The following EPHA5 variants were observed in gnomAD, a reference collection of about 807,000 sequenced individuals.
EPHA5 encodes the protein EPH receptor A5, also known as ephrin type-A receptor 5.
Under a neutral mutation model 105.0 loss-of-function variants are expected in EPHA5, and 60 were observed. That is an observed-to-expected ratio of 0.57 (90% CI 0.46 to 0.71). The LOEUF is 0.71. EPHA5 is among the 30% of genes least tolerant of loss of function. The probability of loss-of-function intolerance (pLI) is 0.00; values close to 1 mark genes in which losing one functional copy is unlikely to be tolerated. For missense variants in EPHA5, 1,218 were observed against 1,274.7 expected (o/e 0.96, Z 0.68); for synonymous variants, 513 against 449.1 (o/e 1.14, Z -1.80).
chr4:65,401,934 A>G (rs530059815), intron 8 of EPHA5, among the ~76,000 whole-genome samples: 7 of 149,546 alleles, frequency 4.7e-5, no homozygotes, highest in Middle Eastern at 3.4e-3. Context: ...AGAGAGAGAA[A>G]GAGAGAGAGA....
intron 3 of EPHA5, chr4:65,573,899 C>T (rs3200362): frequency 5.0e-6 from 8 of 1,610,778 alleles, no homozygotes; most frequent in Non-Finnish European, 6.8e-6. Flanking sequence ...GCATTACCCC[C>T]GGGACCATTC....
chr4:65,542,717 T>G (rs1736963239), intron 3 of EPHA5, among the ~76,000 whole-genome samples: 1 of 151,900 alleles, frequency 6.6e-6, no homozygotes, highest in Non-Finnish European at 1.5e-5. Context: ...CCTAACTCAT[T>G]TTATGGGGCC....
chr4:65,423,669 G>GTTTT (rs71657409), intron 5 of EPHA5, among the ~76,000 whole-genome samples: 55 of 142,120 alleles, frequency 3.9e-4, no homozygotes, highest in African/African-American at 1.3e-3. Flanking sequence ...GGGTTTGTCT[G>GTTTT]TTTTTTTTTT....
chr4:65,398,487 C>G (rs559883419), intron 8 of EPHA5, among the ~76,000 whole-genome samples: 14 of 152,250 alleles, frequency 9.2e-5, no homozygotes, highest in Admixed American at 3.9e-4. Flanking sequence ...AGTGGCTCCC[C>G]AGTGAAGCCT....
At chr4:65,457,811 C>A (rs985724381) in intron 5 of EPHA5, among the ~76,000 whole-genome samples, 1 of 151,808 alleles carries the variant, frequency 6.6e-6, no homozygotes, top group Non-Finnish European at 1.5e-5. Context: ...TTTTGCAATG[C>A]CAATATAACA....
At chr4:65,344,106 G>C (rs944692539) in intron 14 of EPHA5, among the ~76,000 whole-genome samples, 1 of 152,146 alleles carries the variant, frequency 6.6e-6, no homozygotes, top group Non-Finnish European at 1.5e-5. Flanking sequence ...ACTTATCTAT[G>C]CAACTTTGTA....
chr4:65,520,402 T>C (rs1734571750), intron 3 of EPHA5, among the ~76,000 whole-genome samples: 1 of 152,128 alleles, frequency 6.6e-6, no homozygotes, highest in Non-Finnish European at 1.5e-5. Context: ...GACTTAAATA[T>C]TAGACTAAAA....
At chr4:65,393,079 T>C (rs139589018) in intron 8 of EPHA5, among the ~76,000 whole-genome samples, 158 of 152,312 alleles carry the variant, frequency 1.0e-3, no homozygotes, top group African/African-American at 3.6e-3. Flanking sequence ...CCTCTATTCA[T>C]GACAGAAAGT....
chr4:65,392,792 A>T (rs1188463909), intron 8 of EPHA5, among the ~76,000 whole-genome samples: 1 of 152,284 alleles, frequency 6.6e-6, no homozygotes, highest in East Asian at 1.9e-4. Context: ...CATTAATGGG[A>T]AAAATGGACA....
chr4:65,646,044 G>C (rs765752162), intron 1 of EPHA5, among the ~76,000 whole-genome samples: 9 of 152,132 alleles, frequency 5.9e-5, no homozygotes, highest in Non-Finnish European at 1.2e-4. Context: ...TTGATTCTCA[G>C]AGAAAATAAC....
At chr4:65,554,074 G>T (rs1176109795) in intron 3 of EPHA5, among the ~76,000 whole-genome samples, 7 of 151,070 alleles carry the variant, frequency 4.6e-5, no homozygotes, top group Admixed American at 4.6e-4. Context: ...ACAAATTTCA[G>T]TGTTCATTTC....
At chr4:65,648,542 T>C (rs1748327524) in intron 1 of EPHA5, among the ~76,000 whole-genome samples, 3 of 152,224 alleles carry the variant, frequency 2.0e-5, no homozygotes, top group African/African-American at 7.2e-5. Context: ...TTTCTGTTTT[T>C]GCCATTATCT....
At chr4:65,394,783 T>C (rs913412053) in intron 8 of EPHA5, among the ~76,000 whole-genome samples, 6 of 152,180 alleles carry the variant, frequency 3.9e-5, no homozygotes, top group African/African-American at 1.4e-4. Context: ...GAGATATTAC[T>C]TGTAAAACCT....
intron 2 of EPHA5, among the ~76,000 whole-genome samples, chr4:65,610,875 C>A (rs994571691): frequency 2.0e-5 from 3 of 152,110 alleles, no homozygotes; most frequent in Admixed American, 6.6e-5. Context: ...TATATGGAGA[C>A]ACCTTCATAC....
intron 5 of EPHA5, among the ~76,000 whole-genome samples, chr4:65,436,342 C>T (rs1030907467): frequency 1.2e-4 from 18 of 150,668 alleles, no homozygotes; most frequent in Non-Finnish European, 7.4e-5. Flanking sequence ...TAAAATAGTG[C>T]TATAAACAGA....
At chr4:65,537,886 A>T (rs1372789979) in intron 3 of EPHA5, among the ~76,000 whole-genome samples, 1 of 151,772 alleles carries the variant, frequency 6.6e-6, no homozygotes, top group African/African-American at 2.4e-5. Flanking sequence ...ATCATCACAA[A>T]AATTATTTTG....
chr4:65,367,385 C>G lies in EPHA5; in HGVS notation c.1833G>C (p.Glu611Asp). ...GCCCATTATGAAAATGCATCTTTTC[C>G]TCTTCTGGATCTTGTTTTGCTTTGC... ...GYSKAKQDPEEEKMHFHNGHI... is the reference protein window; with the variant it reads ...GYSKAKQDPEDEKMHFHNGHI... Residue 611 changes from glutamate (E) to aspartate (D), a missense_variant, in exon 9 of 17, where the codon GAG (glutamate) becomes GAC (aspartate). Glu to Asp is a conservative substitution (Grantham distance 45, BLOSUM62 2). Coordinates refer to ENST00000613740, the MANE Select transcript of EPHA5 (RefSeq NM_001281766.3). The G allele has an allele frequency of 6.2e-7, 1 of 1,611,938 alleles. No homozygotes were observed. The highest frequency in any genetic ancestry group is 8.5e-7 in the Non-Finnish European group (1 of 1,179,172).
chr4:65,485,120 C>T (rs2149199112), intron 5 of EPHA5, among the ~76,000 whole-genome samples: 1 of 151,518 alleles, frequency 6.6e-6, no homozygotes, highest in African/African-American at 2.4e-5. Context: ...TGAACATATC[C>T]ACTATTTTAT....
chr4:65,423,041 C>G (rs543003095), intron 5 of EPHA5, among the ~76,000 whole-genome samples: 1 of 152,104 alleles, frequency 6.6e-6, no homozygotes, highest in African/African-American at 2.4e-5. Flanking sequence ...ATTTAGTCAT[C>G]ATGTTTTCTT....
Sources: allele counts gnomAD v4.1 joint callset (sites outside exome capture counted in the v4.1 genomes callset), GRCh38; gene constraint gnomAD v4.1.1; transcripts MANE v1.5; gene names NCBI Gene and HGNC (gene_info 2026-07-23, HGNC 2026-07-21).